NRXN3: variants seen among roughly 807,000 people sequenced by gnomAD.
NRXN3 encodes neurexin III.
A neutral mutation model predicts 137.6 loss-of-function variants in NRXN3; 32 were observed. The ratio of observed to expected loss-of-function variants is 0.23; its 90% CI spans 0.18 to 0.31. NRXN3 has a LOEUF of 0.31. Ranked by LOEUF, NRXN3 falls within the 10% of genes least tolerant of loss-of-function variation. The pLI, the probability that NRXN3 is intolerant of heterozygous loss-of-function variation, is 1.00. For synonymous variants in NRXN3, 798 were observed against 784.5 expected, an observed-to-expected ratio of 1.02 and a Z score of -0.29; for missense variants, 1,574 against 2,062.5, an observed-to-expected ratio of 0.76 and a Z score of 4.59.
At chr14:79,238,562 T>C (rs1221797511) in intron 15 of NRXN3, among the ~76,000 whole-genome samples, 2 of 152,110 alleles carry the variant, frequency 1.3e-5, no homozygotes, top group African/African-American at 2.4e-5. Context: ...CACACACACA[T>C]ATAATATTTA....
chr14:78,455,064 G>A (rs1286443385), intron 4 of NRXN3, among the ~76,000 whole-genome samples: 1 of 152,198 alleles, frequency 6.6e-6, no homozygotes, highest in Non-Finnish European at 1.5e-5. Flanking sequence ...GAAGACAAAA[G>A]CCCAAGGAGG....
chr14:78,828,295 G>A (rs1256391476), intron 10 of NRXN3, among the ~76,000 whole-genome samples: 1 of 152,154 alleles, frequency 6.6e-6, no homozygotes, highest in Non-Finnish European at 1.5e-5. Flanking sequence ...TGAGGCTCTT[G>A]CTTAAATATT....
At chr14:78,716,171 C>T (rs560252944) in intron 8 of NRXN3, among the ~76,000 whole-genome samples, 16 of 152,224 alleles carry the variant, frequency 1.1e-4, no homozygotes, top group Non-Finnish European at 1.5e-4. Context: ...CATTTGCACC[C>T]GATTTACAGT....
chr14:79,186,442 A>C (rs1255437319), intron 15 of NRXN3, among the ~76,000 whole-genome samples: 3 of 152,136 alleles, frequency 2.0e-5, no homozygotes, highest in Non-Finnish European at 4.4e-5. Flanking sequence ...CCAGTGAATC[A>C]AATTTGGAAA....
At chr14:78,180,614 A>G (rs189529537) in intron 1 of NRXN3, among the ~76,000 whole-genome samples, 39 of 152,340 alleles carry the variant, frequency 2.6e-4, no homozygotes, top group Admixed American at 5.2e-4. Flanking sequence ...TGAGACCTCT[A>G]CAGCTGTGTT....
At chr14:78,441,404 C>T (rs964742320) in intron 4 of NRXN3, among the ~76,000 whole-genome samples, 6 of 152,098 alleles carry the variant, frequency 3.9e-5, no homozygotes, top group Admixed American at 2.6e-4. Flanking sequence ...ATCCATCCTT[C>T]ACAGCTCAAT....
At chr14:78,484,336 C>T (rs768115796) in intron 4 of NRXN3, among the ~76,000 whole-genome samples, 1 of 152,180 alleles carries the variant, frequency 6.6e-6, no homozygotes, top group Non-Finnish European at 1.5e-5. Context: ...TGGCCTACTA[C>T]CCTTTTGAGA....
intron 15 of NRXN3, among the ~76,000 whole-genome samples, chr14:79,093,110 A>T (rs946958085): frequency 3.3e-5 from 5 of 152,176 alleles, no homozygotes; most frequent in African/African-American, 1.2e-4. Flanking sequence ...CATACAGTCC[A>T]TTCATTGTCA....
intron 8 of NRXN3, among the ~76,000 whole-genome samples, chr14:78,778,678 T>TTTC (rs1555489569): frequency 2.1e-4 from 24 of 114,524 alleles, no homozygotes; most frequent in South Asian, 5.9e-4. Flanking sequence ...TTCTCTTTTC[T>TTTC]TTTCTTTCTT....
At chr14:79,568,750 C>T (rs1034802678) in intron 16 of NRXN3, among the ~76,000 whole-genome samples, 1 of 152,204 alleles carries the variant, frequency 6.6e-6, no homozygotes, top group African/African-American at 2.4e-5. Context: ...GTTGTGCTGT[C>T]TTCCACTGCT....
intron 20 of NRXN3, among the ~76,000 whole-genome samples, chr14:79,852,234 A>ACACACACACACACACAC (rs1555793046): frequency 7.8e-6 from 1 of 128,184 alleles, no homozygotes; most frequent in Non-Finnish European, 1.6e-5. Flanking sequence ...TTCAACTCCC[A>ACACACACACACACACAC]ACACACACAC....
chr14:79,514,255 A>G (rs889055236), intron 16 of NRXN3, among the ~76,000 whole-genome samples: 2 of 145,236 alleles, frequency 1.4e-5, no homozygotes, highest in African/African-American at 5.1e-5. Flanking sequence ...AATTTTATTC[A>G]TTTTCGTTCT....
At position 78,564,659 on chromosome 14, in the gene NRXN3, T is replaced by C. The variant is rs146595255; in HGVS notation, c.758-80461T>C. ...GCCTGGTAATGAAGGTCCTTCGATC[T>C]GGTCTGCATTTTCCAGCTCCATCTC... On this transcript the variant is annotated intron_variant, in intron 4 of 20. Coordinates refer to ENST00000335750, the MANE Select transcript of NRXN3 (RefSeq NM_001330195.2). Among the ~76,000 whole-genome samples the C allele has an allele frequency of 6.7e-4, 102 of 152,330 alleles. 1 individual carries two copies. The East Asian group carries it at 0.018, about 27-fold the overall frequency.
chr14:79,348,378 C>CTTTTT (rs10628515), intron 15 of NRXN3, among the ~76,000 whole-genome samples: 3 of 135,972 alleles, frequency 2.2e-5, no homozygotes, highest in African/African-American at 5.8e-5. Context: ...AATCTTCTCT[C>CTTTTT]TTTTTTTTTT....
chr14:78,877,829 C>T (rs1226260295), intron 10 of NRXN3, among the ~76,000 whole-genome samples: 1 of 152,134 alleles, frequency 6.6e-6, no homozygotes, highest in Admixed American at 6.6e-5. Flanking sequence ...AAACATAAAT[C>T]GAGCACCTTC....
chr14:78,322,730 T>C (rs1214381204), intron 4 of NRXN3, among the ~76,000 whole-genome samples: 1 of 152,032 alleles, frequency 6.6e-6, no homozygotes, highest in Non-Finnish European at 1.5e-5. Flanking sequence ...TAATCCATGA[T>C]GCTTCACTAT....
intron 15 of NRXN3, among the ~76,000 whole-genome samples, chr14:79,318,413 G>T (rs575680469): frequency 1.3e-4 from 19 of 149,422 alleles, no homozygotes; most frequent in Admixed American, 6.0e-4. Flanking sequence ...GTAGATCTCG[G>T]ATTTGCTTTT....
Position 78,366,260 on chromosome 14 carries a change from A to G in NRXN3, c.757+68400A>G, listed in dbSNP as rs113108887. On this transcript the variant is annotated intron_variant, in intron 4 of 20. Transcript: ENST00000335750. ...ATTAAGAAAGATGATTCCATTTCCC[A>G]TGCAGGTTACCTGGGCTAATGGTGT... Among the ~76,000 whole-genome samples the G allele has an allele frequency of 7.4e-4, 112 of 152,338 alleles. 2 individuals are homozygous for G. The highest frequency in any genetic ancestry group is 2.6e-3 in the African/African-American group (107 of 41,592).
chr14:79,338,793 T>A (rs967237393), intron 15 of NRXN3, among the ~76,000 whole-genome samples: 1 of 152,208 alleles, frequency 6.6e-6, no homozygotes, highest in Non-Finnish European at 1.5e-5. Context: ...AAAACTTCCC[T>A]CTGAATTTTA....
Sources: gnomAD v4.1 joint callset for allele counts (sites outside exome capture counted in the v4.1 genomes callset) on GRCh38, gnomAD v4.1.1 for gene constraint, MANE v1.5 for transcripts, NCBI Gene and HGNC (gene_info 2026-07-23, HGNC 2026-07-21) for gene names.